QRICH2: variants seen among roughly 807,000 people sequenced by gnomAD.
QRICH2 encodes the protein glutamine rich 2, also known as glutamine-rich protein 2.
QRICH2 carries 119 observed loss-of-function variants against 168.3 expected under a neutral mutation model. That is an observed-to-expected ratio of 0.71 (90% CI 0.61 to 0.82). QRICH2 has a LOEUF of 0.82. Ranked by LOEUF, QRICH2 falls within the 40% of genes least tolerant of loss-of-function variation. QRICH2 has a pLI of 0.00. For synonymous variants in QRICH2, 894 were observed against 951.2 expected (o/e 0.94, Z 1.11); for missense variants, 2,241 against 2,491.6 (o/e 0.90, Z 2.14).
intron 3 of QRICH2, among the ~76,000 whole-genome samples, chr17:76,297,511 G>GA (rs56843706): frequency 3.7e-4 from 55 of 147,458 alleles, no homozygotes; most frequent in Middle Eastern, 3.5e-3. Context: ...CATCTCAAAA[G>GA]AAAAAAAAAA....
chr17:76,305,040 G>C (rs2070969983), intron 1 of QRICH2, 99 bp from the exon 2 acceptor site: 1 of 837,614 alleles, frequency 1.2e-6, no homozygotes, highest in Non-Finnish European at 2.1e-6. Context: ...CTCACACTCA[G>C]ACACACACAT....
chr17:76,277,902 C>A (rs2143133827), intron 15 of QRICH2, 87 bp downstream of exon 15: 1 of 1,423,852 alleles, frequency 7.0e-7, no homozygotes. Context: ...AGCAGTGGGG[C>A]AAGGCATTTG....
At chr17:76,290,150 C>A in intron 4 of QRICH2, 73 bp from the exon 5 acceptor site, 1 of 1,096,208 alleles carries the variant, frequency 9.1e-7, no homozygotes, top group Non-Finnish European at 1.4e-6. Flanking sequence ...TTTCCAGCCC[C>A]TGTAACACTG....
chr17:76,294,566 A>C (rs1164256332), intron 3 of QRICH2, among the ~76,000 whole-genome samples: 1 of 150,490 alleles, frequency 6.6e-6, no homozygotes. Flanking sequence ...TAGTCCCAGC[A>C]CTTTGGGAGG....
At chr17:76,287,719 G>A (rs537837087) in intron 6 of QRICH2, 81 bp downstream of exon 6, 8 of 979,080 alleles carry the variant, frequency 8.2e-6, no homozygotes, top group African/African-American at 6.4e-5. Flanking sequence ...GGGGCATAAG[G>A]GAGCCACTGG....
Position 76,275,904 on chromosome 17 carries a change from G to C in QRICH2, c.5397C>G (p.His1799Gln), listed in dbSNP as rs139455952. 3.1e-6 allele frequency: 5 copies of C among 1,609,078 alleles called. No homozygotes were observed. Among genetic ancestry groups the C allele is most frequent in the Non-Finnish European group, 4.2e-6 (5 of 1,179,924 alleles). ...SKRKSQQPRP[H>Q]VHRPPSLSSN... ...TGCTGAGGGATGGCGGCCTGTGCACGTGGGGCCTGGGCTGCTGGGACTTGC... is the reference window on the plus strand; with the variant it reads ...TGCTGAGGGATGGCGGCCTGTGCACCTGGGGCCTGGGCTGCTGGGACTTGC... The change falls in exon 18 of 19, where the codon CAC becomes CAG. Residue 1799 changes from histidine to glutamine, a missense_variant. His to Gln is a conservative substitution (Grantham distance 24). Transcript: ENST00000680821.
In QRICH2 at chr17:76,308,162, C is replaced by A. The variant is rs1448539829; in HGVS notation, c.-164G>T. On this transcript the variant is annotated 5_prime_UTR_variant, in exon 1 of 19. Transcript: ENST00000680821. ...GACAGAGCTCCTGCCTCCAGGGAAT[C>A]TGCGCCTCCGCTCCCCGGCGGGGTC... 4 of 985,438 alleles carry A rather than the reference C, an allele frequency of 4.1e-6. No individual in the cohort carries two copies. Among genetic ancestry groups the A allele is most frequent in the Non-Finnish European group, 4.8e-6 (4 of 829,908 alleles). 61.0% of individuals were successfully genotyped at this position (985,438 alleles called of 1,614,324 possible).
intron 5 of QRICH2, 70 bp from the exon 6 acceptor site, chr17:76,287,967 C>T: frequency 8.4e-7 from 1 of 1,190,814 alleles, no homozygotes; most frequent in Non-Finnish European, 1.3e-6. Context: ...CCCTTGCATG[C>T]AGCTCATGCC....
intron 3 of QRICH2, among the ~76,000 whole-genome samples, chr17:76,297,550 A>T (rs1484313616): frequency 6.6e-6 from 1 of 152,186 alleles, no homozygotes; most frequent in Non-Finnish European, 1.5e-5. Flanking sequence ...CCAATGCAGG[A>T]AAAGTCACAA....
At chr17:76,309,771 TG>T (rs919993601), upstream of QRICH2, 4 of 152,244 alleles carry the variant, frequency 2.6e-5, no homozygotes, top group African/African-American at 9.6e-5. Flanking sequence ...ATCAGGGACT[TG>T]CACATCCATG....
rs550168585 is a variant in QRICH2 at position 76,307,589 on chromosome 17, G to A, written c.410C>T (p.Ala137Val). The change falls in exon 1 of 19, where the codon GCC becomes GTC. Residue 137 changes from alanine (A) to valine (V), a missense_variant. Physicochemically the swap from Ala to Val is moderately conservative, Grantham distance 64. Transcript: ENST00000680821. The surrounding 1 kb of genome is among the most constrained non-coding windows in gnomAD (Gnocchi z 5.3). ...IATHVQHFSQ[A>V]SGLDLAALEW... Reference sequence around the variant, plus strand: ...TAGCGCGGCCAGGTCAAGCCCGCTGGCCTGGGAGAAGTGCTGCACGTGCGT... The same window carrying A: ...TAGCGCGGCCAGGTCAAGCCCGCTGACCTGGGAGAAGTGCTGCACGTGCGT... The A allele has an allele frequency of 1.6e-5, 25 of 1,558,854 alleles. No individual in the cohort carries two copies. In the East Asian group the frequency reaches 5.6e-4, roughly 35 times the overall value.
intron 18 of QRICH2, 70 bp from the exon 19 acceptor site, chr17:76,274,330 C>G (rs2070633573): frequency 6.7e-7 from 1 of 1,481,974 alleles, no homozygotes; most frequent in Non-Finnish European, 9.1e-7. Context: ...CCAGCCTGCC[C>G]AATGCCCAGG....
intron 6 of QRICH2, 65 bp downstream of exon 6, chr17:76,287,735 A>G: frequency 2.4e-6 from 3 of 1,257,598 alleles, no homozygotes; most frequent in Non-Finnish European, 3.5e-6. Context: ...ACTGGCCGCC[A>G]TCACCTCCTT....
chr17:76,298,800 G>C (rs1020485465), intron 3 of QRICH2, among the ~76,000 whole-genome samples: 1 of 151,856 alleles, frequency 6.6e-6, no homozygotes, highest in Non-Finnish European at 1.5e-5. Flanking sequence ...ATTTTTAGTA[G>C]AGATGGGGCT....
intron 3 of QRICH2, among the ~76,000 whole-genome samples, chr17:76,299,224 C>T (rs2143364200): frequency 6.6e-6 from 1 of 152,238 alleles, no homozygotes; most frequent in Non-Finnish European, 1.5e-5. Context: ...GACATCCCTC[C>T]CGCTGGCTTT....
chr17:76,307,245 G>A lies in QRICH2; in HGVS notation c.534+220C>T, dbSNP rs1307628285. On this transcript the variant is annotated intron_variant, in intron 1 of 18. Transcript: ENST00000680821. This position sits in a 1 kb window ranked among gnomAD's most constrained non-coding sequence, Gnocchi z 5.3. The stretch of plus-strand genomic sequence containing the variant: ...GGGAGGCCCTAGGCCTTTTGGTGGC[G>A]TTCTTTTAGGATTTTCACGTCTTGC... 6.6e-6 allele frequency among the ~76,000 whole-genome samples: 1 copy of A among 152,098 alleles called. No homozygotes were observed. The highest frequency in any genetic ancestry group is 1.5e-5 in the Non-Finnish European group (1 of 68,000).
At chr17:76,277,863 TCACA>T in intron 15 of QRICH2, 122 bp downstream of exon 15, 2 of 1,010,598 alleles carry the variant, frequency 2.0e-6, no homozygotes, top group Non-Finnish European at 3.0e-6. Context: ...ACACTTTCTC[TCACA>T]CACACACACT....
chr17:76,301,138 G>A (rs1336561306), intron 3 of QRICH2, among the ~76,000 whole-genome samples: 1 of 151,940 alleles, frequency 6.6e-6, no homozygotes, highest in East Asian at 1.9e-4. Flanking sequence ...GATCACTTGA[G>A]TCCAGGAGGT....
rs367656373 is a variant in QRICH2 at position 76,304,815 on chromosome 17, A to G, written c.594+67T>C. 608 of 1,120,794 alleles carry G rather than the reference A, an allele frequency of 5.4e-4. 4 individuals are homozygous for G. The South Asian group carries it at 7.2e-3, about 13-fold the overall frequency. 69.4% of individuals were successfully genotyped at this position (1,120,794 alleles called of 1,614,324 possible). On this transcript the variant is annotated intron_variant, in intron 2 of 18. Coordinates refer to ENST00000680821, the MANE Select transcript of QRICH2 (RefSeq NM_001388453.1). ...TGCCCTGGATGGACAAGCCCTGGAG[A>G]GAGGGCCACACTGAGAGACGGCCAG...
Sources: gnomAD v4.1 joint callset for allele counts (sites outside exome capture counted in the v4.1 genomes callset) on GRCh38, gnomAD v4.1.1 for gene constraint, Gnocchi (gnomAD v3.1) non-coding constraint, MANE v1.5 for transcripts, NCBI Gene and HGNC (gene_info 2026-07-23, HGNC 2026-07-21) for gene names.